TMPRSS15: variants seen among roughly 807,000 people sequenced by gnomAD.
TMPRSS15 encodes the protein transmembrane serine protease 15, also known as enteropeptidase.
A neutral mutation model predicts 125.3 loss-of-function variants in TMPRSS15; 128 were observed. The observed-to-expected ratio is 1.02, with a 90% CI of 0.89 to 1.18. The LOEUF is 1.18. Ranked by LOEUF, TMPRSS15 falls within the 50% of genes most tolerant of loss-of-function variation. The pLI is 0.00. For synonymous variants in TMPRSS15, 446 were observed against 423.2 expected, an observed-to-expected ratio of 1.05 and a Z score of -0.66; for missense variants, 1,283 against 1,212.7, an observed-to-expected ratio of 1.06 and a Z score of -0.86.
intron 16 of TMPRSS15, among the ~76,000 whole-genome samples, chr21:18,320,423 T>A (rs141054548): frequency 6.6e-6 from 1 of 152,132 alleles, no homozygotes; most frequent in African/African-American, 2.4e-5. Context: ...AATAATTTAA[T>A]CTTATATACA....
intron 16 of TMPRSS15, among the ~76,000 whole-genome samples, chr21:18,318,148 A>G (rs1225490070): frequency 6.6e-6 from 1 of 152,232 alleles, no homozygotes; most frequent in Non-Finnish European, 1.5e-5. Flanking sequence ...CAAGGTGGAC[A>G]CTGGAAAGAT....
chr21:18,481,328 G>A (rs1334699082), intron 1 of TMPRSS15, among the ~76,000 whole-genome samples: 1 of 151,670 alleles, frequency 6.6e-6, no homozygotes, highest in Non-Finnish European at 1.5e-5. Context: ...ATAGAATAAC[G>A]TATGCAAAGA....
At chr21:18,279,547 G>T (rs1461347245) in intron 22 of TMPRSS15, among the ~76,000 whole-genome samples, 1 of 150,794 alleles carries the variant, frequency 6.6e-6, no homozygotes, top group African/African-American at 2.4e-5. Flanking sequence ...TGTTAGCCAG[G>T]ATGGTCTCGA....
chr21:18,428,116 A>T (rs1345286075), intron 1 of TMPRSS15, among the ~76,000 whole-genome samples: 2 of 152,228 alleles, frequency 1.3e-5, no homozygotes, highest in African/African-American at 2.4e-5. Flanking sequence ...TTACTTAACA[A>T]TTAAAAATTC....
At chr21:18,307,938 AT>A (rs897566802) in intron 18 of TMPRSS15, among the ~76,000 whole-genome samples, 4 of 152,202 alleles carry the variant, frequency 2.6e-5, no homozygotes, top group African/African-American at 9.6e-5. Context: ...TTATAATCAC[AT>A]GGTGATCTGC....
chr21:18,340,397 T>A, intron 13 of TMPRSS15, among the ~76,000 whole-genome samples: 1 of 152,168 alleles, frequency 6.6e-6, no homozygotes, highest in East Asian at 1.9e-4. Flanking sequence ...GGCCACAGAC[T>A]GAAGGCTGCA....
chr21:18,472,455 T>TTATA lies in TMPRSS15; in HGVS notation c.10+13340_10+13343dup, dbSNP rs34604020. On this transcript the variant is annotated intron_variant, in intron 1 of 7. Transcript: ENST00000422787. ...GGGTGCAAATTTAAAGCTAAAAGAATTATATATATATATATATATATATAT... is the reference window on the plus strand; with the variant it reads ...GGGTGCAAATTTAAAGCTAAAAGAATTATATATATATATATATATATATATATAT... Among the ~76,000 whole-genome samples, 804 of 143,162 alleles carry TTATA rather than the reference T, an allele frequency of 5.6e-3. 11 individuals are homozygous for TTATA. The highest frequency in any genetic ancestry group is 0.019 in the African/African-American group (711 of 37,916). The allele number at this position is 143,162 out of a possible 152,430, so 93.9% of individuals were successfully genotyped here.
chr21:18,276,703 T>C (rs955010844), intron 23 of TMPRSS15, among the ~76,000 whole-genome samples: 4 of 152,120 alleles, frequency 2.6e-5, no homozygotes, highest in Non-Finnish European at 5.9e-5. Context: ...GTTCATGGTT[T>C]TCCTAGCTAA....
chr21:18,314,860 T>C (rs979330609), intron 17 of TMPRSS15, among the ~76,000 whole-genome samples: 7 of 152,070 alleles, frequency 4.6e-5, no homozygotes, highest in African/African-American at 1.7e-4. Context: ...TTTGGAATAT[T>C]GTCTCTGTGG....
chr21:18,449,039 A>G (rs1482723445), intron 1 of TMPRSS15, among the ~76,000 whole-genome samples: 1 of 152,174 alleles, frequency 6.6e-6, no homozygotes, highest in Non-Finnish European at 1.5e-5. Context: ...CAGATGTTCT[A>G]CTAATCAAAC....
chr21:18,388,722 G>A (rs539754862), intron 3 of TMPRSS15, among the ~76,000 whole-genome samples: 3 of 152,178 alleles, frequency 2.0e-5, no homozygotes, highest in African/African-American at 4.8e-5. Flanking sequence ...AGAGAAATTC[G>A]TTTCATTCAC....
chr21:18,414,570 T>C (rs2076175605), intron 1 of TMPRSS15, among the ~76,000 whole-genome samples: 2 of 152,242 alleles, frequency 1.3e-5, no homozygotes, highest in Admixed American at 1.3e-4. Context: ...TGAGTTTGAC[T>C]ATTGTAGATA....
chr21:18,274,056 C>T (rs368944792), intron 24 of TMPRSS15, among the ~76,000 whole-genome samples: 2 of 152,288 alleles, frequency 1.3e-5, no homozygotes, highest in East Asian at 3.9e-4. Flanking sequence ...GCTATTTCTT[C>T]ATTTAGTAAT....
At chr21:18,381,718 G>A (rs1332559205) in intron 4 of TMPRSS15, among the ~76,000 whole-genome samples, 1 of 151,992 alleles carries the variant, frequency 6.6e-6, no homozygotes, top group African/African-American at 2.4e-5. Context: ...ATAGGAAATC[G>A]TGAAAAAAAG....
intron 1 of TMPRSS15, among the ~76,000 whole-genome samples, chr21:18,463,954 C>T (rs2122954267): frequency 1.3e-5 from 2 of 152,062 alleles, no homozygotes; most frequent in South Asian, 4.2e-4. Flanking sequence ...GTGGGTGGAT[C>T]ACGAGGTCAG....
chr21:18,297,586 T>G, intron 19 of TMPRSS15, 148 bp downstream of exon 19: 1 of 654,168 alleles, frequency 1.5e-6, no homozygotes, highest in Non-Finnish European at 2.7e-6. Context: ...TAGATACTGT[T>G]TGAGATTACT....
At chr21:18,279,483 G>A (rs952428320) in intron 22 of TMPRSS15, among the ~76,000 whole-genome samples, 14 of 150,404 alleles carry the variant, frequency 9.3e-5, no homozygotes, top group African/African-American at 3.2e-4. Flanking sequence ...CCGCCACCAC[G>A]CCTGGCTAAT....
intron 8 of TMPRSS15, among the ~76,000 whole-genome samples, chr21:18,355,048 T>G (rs917238854): frequency 5.9e-5 from 9 of 151,876 alleles, no homozygotes; most frequent in African/African-American, 2.2e-4. Flanking sequence ...TTAATGTTTT[T>G]CCCCAAAATG....
At chr21:18,340,840 TC>T (rs2075438688) in intron 13 of TMPRSS15, among the ~76,000 whole-genome samples, 2 of 152,270 alleles carry the variant, frequency 1.3e-5, no homozygotes, top group South Asian at 4.1e-4. Context: ...GGAAACCAGC[TC>T]CTTTATTACT....
Sources: allele counts gnomAD v4.1 joint callset (sites outside exome capture counted in the v4.1 genomes callset), GRCh38; gene constraint gnomAD v4.1.1; transcripts MANE v1.5; gene names NCBI Gene and HGNC (gene_info 2026-07-23, HGNC 2026-07-21).